NPLOC4: variants seen among roughly 807,000 people sequenced by gnomAD.
The protein encoded by NPLOC4 is NPL4 homolog, ubiquitin recognition factor, also known as nuclear protein localization protein 4 homolog.
In NPLOC4, 18 loss-of-function variants were observed where a neutral mutation model predicts 80.6. The observed-to-expected ratio is 0.22, with a 90% CI of 0.15 to 0.33. The LOEUF (loss-of-function observed/expected upper bound fraction) is 0.33, where lower values mean the gene tolerates loss of function less well. NPLOC4 is among the 10% of genes least tolerant of loss of function. The pLI is 1.00. For synonymous variants in NPLOC4, 313 were observed against 301.5 expected (o/e 1.04, Z -0.39); for missense variants, 540 against 786.1 (o/e 0.69, Z 3.74).
chr17:81,628,450 T>C (rs977654957), intron 2 of NPLOC4, among the ~76,000 whole-genome samples: 4 of 151,522 alleles, frequency 2.6e-5, no homozygotes, highest in Admixed American at 6.6e-5. Context: ...GAGGCAGAGG[T>C]TGCAGTGAGC....
At chr17:81,622,718 T>C (rs993028719) in intron 2 of NPLOC4, among the ~76,000 whole-genome samples, 3 of 151,986 alleles carry the variant, frequency 2.0e-5, no homozygotes, top group Non-Finnish European at 4.4e-5. Context: ...ACCCGGCTGA[T>C]TTTTGTATTT....
At chr17:81,595,536 T>A (rs75923948) in intron 11 of NPLOC4, among the ~76,000 whole-genome samples, 28,423 of 112,548 alleles carry the variant, frequency 0.25, 3,276 homozygotes, top group East Asian at 0.56. Context: ...ATATATATAT[T>A]TTTTTTTTCT....
chr17:81,626,728 G>A lies in NPLOC4; in HGVS notation c.96+2997C>T, dbSNP rs1256820924. ...TGGGAGGATCGTTTGAGCCCGGGAA[G>A]TCAAGGCTGCAGTGAGCTGTGACTT... On this transcript the variant is annotated intron_variant, in intron 2 of 16. Transcript: ENST00000331134. Among the ~76,000 whole-genome samples, 5 of 152,134 alleles carry A rather than the reference G, an allele frequency of 3.3e-5. No homozygotes were observed. In the East Asian group the frequency reaches 9.6e-4, roughly 29 times the overall value.
intron 12 of NPLOC4, among the ~76,000 whole-genome samples, chr17:81,583,746 T>C (rs957532369): frequency 1.3e-5 from 2 of 152,206 alleles, no homozygotes; most frequent in African/African-American, 2.4e-5. Context: ...TGGCTGCATA[T>C]GGGACAGGGC....
chr17:81,609,211 G>A (rs536557388), intron 5 of NPLOC4, among the ~76,000 whole-genome samples: 12 of 152,214 alleles, frequency 7.9e-5, no homozygotes, highest in East Asian at 7.7e-4. Context: ...GTGGAGACGG[G>A]GTTTCAGCAT....
At chr17:81,605,570 C>T (rs1352115911) in intron 7 of NPLOC4, among the ~76,000 whole-genome samples, 1 of 151,634 alleles carries the variant, frequency 6.6e-6, no homozygotes, top group Non-Finnish European at 1.5e-5. Flanking sequence ...ATCACTTGCA[C>T]CTGGGAGGCT....
chr17:81,602,915 G>GTA (rs141852957), intron 8 of NPLOC4, among the ~76,000 whole-genome samples: 18 of 128,712 alleles, frequency 1.4e-4, no homozygotes, highest in Non-Finnish European at 2.5e-4. Flanking sequence ...ACATATATAT[G>GTA]TATATATACA....
At chr17:81,582,035 G>A (rs2034455257) in intron 12 of NPLOC4, among the ~76,000 whole-genome samples, 1 of 152,130 alleles carries the variant, frequency 6.6e-6, no homozygotes, top group African/African-American at 2.4e-5. Context: ...ACATGAGGAG[G>A]GCTCCTCTGT....
At chr17:81,607,851 C>G (rs1247588339) in intron 6 of NPLOC4, among the ~76,000 whole-genome samples, 4 of 152,150 alleles carry the variant, frequency 2.6e-5, no homozygotes, top group Non-Finnish European at 5.9e-5. Flanking sequence ...AGCAGGTTGT[C>G]AGAGAAAAGC....
chr17:81,591,145 C>T (rs965205683), intron 11 of NPLOC4, among the ~76,000 whole-genome samples: 1 of 152,124 alleles, frequency 6.6e-6, no homozygotes, highest in Non-Finnish European at 1.5e-5. Flanking sequence ...CCATGAAAAC[C>T]TGGACTGGGC....
chr17:81,622,296 G>A lies in NPLOC4; in HGVS notation c.97-18C>T, dbSNP rs1372611687. ...TTTGCAACCTAAAACAAGGCCCAAA[G>A]AACAGAAATTTAATGAAATGCTAAA... On this transcript the variant is annotated intron_variant, in intron 2 of 16. Coordinates refer to ENST00000331134, the MANE Select transcript of NPLOC4 (RefSeq NM_017921.4). 2 of 1,559,078 alleles carry A rather than the reference G, an allele frequency of 1.3e-6. No homozygotes were observed. Among genetic ancestry groups the A allele is most frequent in the South Asian group, 1.1e-5 (1 of 89,902 alleles).
chr17:81,629,211 G>A (rs1317263857), intron 2 of NPLOC4, among the ~76,000 whole-genome samples: 1 of 35,066 alleles, frequency 2.9e-5, no homozygotes, highest in African/African-American at 1.3e-4. Flanking sequence ...TTTTTTTTTT[G>A]AGATGGAGTC....
rs775006972 is a variant in NPLOC4 at position 81,567,492 on chromosome 17, T to C, written c.1491A>G (p.Ser497=). 2.5e-6 allele frequency: 4 copies of C among 1,613,388 alleles called. No individual in the cohort carries two copies. The South Asian group carries it at 4.4e-5, about 18-fold the overall frequency. ...CTGAGATGGTATCCAAGAACACAGA[T>C]GAGGTATTCTGAGACAAATAGGTGG... is the stretch of plus-strand genomic sequence containing the variant. ...SLATYLSQNT[S]SVFLDTISDF... is the part of the protein sequence containing the mutation. Residue 497 remains serine, a synonymous_variant, in exon 15 of 17, where the codon TCA becomes TCG. Transcript: ENST00000331134. The surrounding 1 kb of genome is among the most constrained non-coding windows in gnomAD (Gnocchi z 4.5).
chr17:81,621,673 T>C lies in NPLOC4; in HGVS notation c.209+493A>G, dbSNP rs2035671621. Among the ~76,000 whole-genome samples the C allele has an allele frequency of 3.3e-5, 5 of 152,198 alleles. 1 individual carries two copies. In the South Asian group the frequency reaches 1.0e-3, roughly 32 times the overall value. ...GAAAACTGGCACCAACAACACGACC[T>C]GGCTGTGTTCCAATAACACTTTACA... On this transcript the variant is annotated intron_variant, in intron 3 of 16. Coordinates refer to ENST00000331134, the MANE Select transcript of NPLOC4 (RefSeq NM_017921.4).
intron 1 of NPLOC4, among the ~76,000 whole-genome samples, chr17:81,631,678 G>C (rs2035935201): frequency 1.3e-5 from 2 of 152,012 alleles, no homozygotes; most frequent in Admixed American, 1.3e-4. Flanking sequence ...CGCGGGACGG[G>C]AAGGAAGGCA....
intron 1 of NPLOC4, among the ~76,000 whole-genome samples, chr17:81,632,706 T>C (rs2035963301): frequency 6.6e-6 from 1 of 152,172 alleles, no homozygotes; most frequent in Non-Finnish European, 1.5e-5. Flanking sequence ...ATTATGCAGA[T>C]GAAAACTGTC....
At chr17:81,636,808 A>C in intron 1 of NPLOC4, 108 bp downstream of exon 1, 1 of 1,184,830 alleles carries the variant, frequency 8.4e-7, no homozygotes, top group Non-Finnish European at 1.1e-6. Context: ...AGAGAAGAGA[A>C]AGGGGCCGAG....
rs941112592 is a variant in NPLOC4, at chr17:81,567,403, A to G, written c.1566+14T>C. 1.9e-6 allele frequency: 3 copies of G among 1,545,174 alleles called. No individual in the cohort carries two copies. Among genetic ancestry groups the G allele is most frequent in the African/African-American group, 2.7e-5 (2 of 73,428 alleles). ...GCCCACTTGCTCAAGTGGACACCAC[A>G]CTTGGACACGCACCTGCAGAGGCAT... On this transcript the variant is annotated intron_variant, in intron 15 of 16. Coordinates refer to ENST00000331134, the MANE Select transcript of NPLOC4 (RefSeq NM_017921.4). This position sits in a 1 kb window ranked among gnomAD's most constrained non-coding sequence, Gnocchi z 4.5.
chr17:81,611,627 G>C lies in NPLOC4; in HGVS notation c.387-1369C>G, dbSNP rs926990512. Among the ~76,000 whole-genome samples the C allele has an allele frequency of 1.0e-3, 155 of 151,902 alleles. 1 individual carries two copies. Among genetic ancestry groups the C allele is most frequent in the Non-Finnish European group, 1.8e-4 (12 of 67,932 alleles). On this transcript the variant is annotated intron_variant, in intron 4 of 16. Transcript: ENST00000331134. ...AGCCTCCCAAAGTGCTGGGATTACA[G>C]GTGTGAGCAACTGCGCCTGGCCAAG...
Sources: gnomAD v4.1 joint callset for allele counts (sites outside exome capture counted in the v4.1 genomes callset) on GRCh38, gnomAD v4.1.1 for gene constraint, Gnocchi (gnomAD v3.1) non-coding constraint, MANE v1.5 for transcripts, NCBI Gene and HGNC (gene_info 2026-07-23, HGNC 2026-07-21) for gene names.